The following ZDHHC20 variants were observed in gnomAD, a reference collection of about 807,000 sequenced individuals.
ZDHHC20 encodes palmitoyltransferase ZDHHC20.
A neutral mutation model predicts 57.8 loss-of-function variants in ZDHHC20; 43 were observed. The observed-to-expected ratio is 0.74, with a 90% CI of 0.58 to 0.96. The LOEUF (loss-of-function observed/expected upper bound fraction) is 0.96, where lower values mean the gene tolerates loss of function less well. ZDHHC20 is among the 40% of genes least tolerant of loss of function. ZDHHC20 has a pLI of 0.00. For missense variants in ZDHHC20, 391 were observed against 441.1 expected (o/e 0.89, Z 1.02); for synonymous variants, 157 against 153.0 (o/e 1.03, Z -0.19).
intron 11 of ZDHHC20, among the ~76,000 whole-genome samples, chr13:21,379,825 C>CTT (rs56681468): frequency 7.3e-6 from 1 of 137,732 alleles, no homozygotes; most frequent in African/African-American, 2.8e-5. Flanking sequence ...TTTCTTTTTT[C>CTT]TTTTTTTTTG....
intron 1 of ZDHHC20, among the ~76,000 whole-genome samples, chr13:21,445,854 G>A (rs913274941): frequency 3.3e-5 from 5 of 152,182 alleles, no homozygotes; most frequent in South Asian, 2.1e-4. Flanking sequence ...ACTAAAAGAC[G>A]AAGTACTTCT....
intron 2 of ZDHHC20, among the ~76,000 whole-genome samples, chr13:21,421,478 A>AACTTGACTTC (rs1880643690): frequency 6.6e-6 from 1 of 152,210 alleles, no homozygotes; most frequent in Non-Finnish European, 1.5e-5. Context: ...AAGTTCTCCA[A>AACTTGACTTC]AAGCTCATTT....
chr13:21,429,454 G>C (rs1080426), intron 1 of ZDHHC20, among the ~76,000 whole-genome samples: 1 of 151,880 alleles, frequency 6.6e-6, no homozygotes, highest in African/African-American at 2.4e-5. Flanking sequence ...TAAATTCCAC[G>C]GTTTCTGATG....
chr13:21,423,432 T>C (rs1282595520), intron 2 of ZDHHC20, among the ~76,000 whole-genome samples: 1 of 152,098 alleles, frequency 6.6e-6, no homozygotes, highest in Non-Finnish European at 1.5e-5. Context: ...TCCCAGCACT[T>C]TGGGAGGCTG....
intron 7 of ZDHHC20, among the ~76,000 whole-genome samples, chr13:21,398,150 C>G (rs780207624): frequency 1.7e-4 from 26 of 152,088 alleles, no homozygotes; most frequent in Non-Finnish European, 2.8e-4. Context: ...ACTGTGTGTT[C>G]AGTACTGGGC....
Position 21,379,612 on chromosome 13 carries a change from A to C in ZDHHC20, c.1061-874T>G, listed in dbSNP as rs538825057. The stretch of plus-strand genomic sequence containing the variant: ...CCACTTTTCTATAGTGCAAGGAAAT[A>C]ATCAGTGTTATTACTATTATCATTA... On this transcript the variant is annotated intron_variant, in intron 11 of 12. Transcript: ENST00000400590. Among the ~76,000 whole-genome samples the C allele has an allele frequency of 1.1e-4, 17 of 152,044 alleles. No homozygotes were observed. The East Asian group carries it at 1.6e-3, about 14-fold the overall frequency.
chr13:21,385,775 C>T (rs918654305), intron 9 of ZDHHC20, among the ~76,000 whole-genome samples: 2 of 152,036 alleles, frequency 1.3e-5, no homozygotes, highest in African/African-American at 2.4e-5. Flanking sequence ...GCCTAATGAA[C>T]CCCAGGGAGG....
chr13:21,377,768 A>T (rs572480787), intron 12 of ZDHHC20: 155 of 156,776 alleles, frequency 9.9e-4, no homozygotes, highest in South Asian at 4.6e-3. Context: ...CTAACTGCTG[A>T]GGACAAGCCC....
At chr13:21,378,954 T>C (rs1360533128) in intron 11 of ZDHHC20, among the ~76,000 whole-genome samples, 1 of 152,204 alleles carries the variant, frequency 6.6e-6, no homozygotes, top group Non-Finnish European at 1.5e-5. Context: ...CTTGTGGAAA[T>C]ACCTATTGGC....
At chr13:21,420,148 A>C (rs752159547) in intron 3 of ZDHHC20, among the ~76,000 whole-genome samples, 15 of 152,236 alleles carry the variant, frequency 9.9e-5, no homozygotes, top group Middle Eastern at 3.4e-3. Context: ...TTAGCCGGGC[A>C]TGGTGATGCG....
At chr13:21,397,151 T>C (rs1389290284) in intron 7 of ZDHHC20, among the ~76,000 whole-genome samples, 1 of 152,090 alleles carries the variant, frequency 6.6e-6, no homozygotes, top group African/African-American at 2.4e-5. Flanking sequence ...TGCCAGCATT[T>C]TGGGAGACCG....
intron 7 of ZDHHC20, among the ~76,000 whole-genome samples, chr13:21,399,216 C>A (rs1877268034): frequency 6.6e-6 from 1 of 151,854 alleles, no homozygotes; most frequent in African/African-American, 2.4e-5. Flanking sequence ...TGTGGTGGAG[C>A]ACCCATAATC....
chr13:21,442,733 C>G (rs1023942363), intron 1 of ZDHHC20, among the ~76,000 whole-genome samples: 1 of 151,608 alleles, frequency 6.6e-6, no homozygotes, highest in Non-Finnish European at 1.5e-5. Context: ...CCAGCCTGGA[C>G]GACAGAGCGA....
chr13:21,396,210 C>T (rs1876761096), intron 7 of ZDHHC20, among the ~76,000 whole-genome samples: 1 of 152,194 alleles, frequency 6.6e-6, no homozygotes, highest in Non-Finnish European at 1.5e-5. Flanking sequence ...GAGTAACAAA[C>T]TATCTTTTCA....
intron 1 of ZDHHC20, among the ~76,000 whole-genome samples, chr13:21,429,301 T>C (rs987968324): frequency 3.3e-5 from 5 of 152,222 alleles, no homozygotes; most frequent in African/African-American, 1.2e-4. Context: ...TGTTTTTGCT[T>C]TGAATTCTTA....
intron 7 of ZDHHC20, among the ~76,000 whole-genome samples, chr13:21,398,235 C>A (rs113687968): frequency 6.6e-6 from 1 of 152,084 alleles, no homozygotes; most frequent in East Asian, 1.9e-4. Context: ...GAGGTCGAGG[C>A]GGGCAGATCA....
At chr13:21,432,483 CCAT>C (rs1260721062) in intron 1 of ZDHHC20, among the ~76,000 whole-genome samples, 2 of 152,132 alleles carry the variant, frequency 1.3e-5, no homozygotes, top group African/African-American at 4.8e-5. Flanking sequence ...GCGCCCACCA[CCAT>C]GCCTGACTAA....
intron 9 of ZDHHC20, among the ~76,000 whole-genome samples, chr13:21,384,541 A>C (rs1874100977): frequency 6.7e-6 from 1 of 149,510 alleles, no homozygotes; most frequent in Non-Finnish European, 1.5e-5. Flanking sequence ...ATATGCAGAG[A>C]AATGGCTACA....
In ZDHHC20 at chr13:21,378,660, C is replaced by G. The variant is rs1872675191; in HGVS notation, c.*40+1G>C. 7.0e-7 allele frequency: 1 copy of G among 1,419,012 alleles called. No individual in the cohort carries two copies. The highest frequency in any genetic ancestry group is 9.3e-7 in the Non-Finnish European group (1 of 1,073,668). 87.9% of individuals were successfully genotyped at this position (1,419,012 alleles called of 1,614,324 possible). On this transcript the variant is annotated splice_donor_variant, in intron 12 of 12. Transcript: ENST00000400590. LOFTEE classifies it low-confidence loss of function (3UTR_SPLICE). Reference sequence around the variant, plus strand: ...CAAGGATTACCTTTATACTGTCTTACCTTGCTCTTATTCAAATGGTTAGTT... The same window carrying G: ...CAAGGATTACCTTTATACTGTCTTAGCTTGCTCTTATTCAAATGGTTAGTT...
Sources: gnomAD v4.1 joint callset for allele counts (sites outside exome capture counted in the v4.1 genomes callset) on GRCh38, gnomAD v4.1.1 for gene constraint, MANE v1.5 for transcripts, NCBI Gene and HGNC (gene_info 2026-07-23, HGNC 2026-07-21) for gene names.